Variants in PAX2 observed in about 807,000 individuals in gnomAD.
PAX2 encodes the protein paired box 2.
In PAX2, 9 loss-of-function variants were observed where a neutral mutation model predicts 41.7. The observed-to-expected ratio is 0.22, with a 90% confidence interval of 0.13 to 0.38. PAX2 has a LOEUF of 0.38. Among genes scored for constraint, PAX2 ranks in the 10% least tolerant of loss-of-function variants. The pLI is 1.00. For synonymous variants in PAX2, 221 were observed against 212.7 expected, an observed-to-expected ratio of 1.04 and a Z score of -0.34; for missense variants, 418 against 531.6, an observed-to-expected ratio of 0.79 and a Z score of 2.10.
At chr10:100,749,270 C>T (rs1589811076) in intron 1 of PAX2, 1 of 995,344 alleles carries the variant, frequency 1.0e-6, no homozygotes, top group Non-Finnish European at 1.2e-6. Context: ...AAACAGTCAG[C>T]CGAGCCTCGA....
chr10:100,773,886 T>C (rs1397595676), intron 3 of PAX2, among the ~76,000 whole-genome samples: 1 of 152,200 alleles, frequency 6.6e-6, no homozygotes, highest in African/African-American at 2.4e-5. Flanking sequence ...TATAGCCTTC[T>C]ATTTCCACCC....
At chr10:100,742,386 C>A (rs1347797842), upstream of PAX2, among the ~76,000 whole-genome samples, 1 of 152,072 alleles carries the variant, frequency 6.6e-6, no homozygotes, top group African/African-American at 2.4e-5. Context: ...GACACCTACA[C>A]CCAGACAGAG....
intron 3 of PAX2, among the ~76,000 whole-genome samples, chr10:100,751,596 A>C (rs1845446146): frequency 6.6e-6 from 1 of 152,190 alleles, no homozygotes; most frequent in African/African-American, 2.4e-5. Flanking sequence ...TGACAGGCTC[A>C]CACACGTGAG....
At chr10:100,792,692 G>A (rs1412910712) in intron 5 of PAX2, among the ~76,000 whole-genome samples, 1 of 152,144 alleles carries the variant, frequency 6.6e-6, no homozygotes, top group Non-Finnish European at 1.5e-5. Flanking sequence ...GCCAAGGATG[G>A]CGTTGGTCCT....
chr10:100,784,546 T>C (rs11190703), intron 5 of PAX2, among the ~76,000 whole-genome samples: 3,510 of 152,284 alleles, frequency 0.023, 145 homozygotes, highest in African/African-American at 0.081. Flanking sequence ...AGGAAGCTGC[T>C]CCTCTTTTGC....
Position 100,750,237 on chromosome 10 carries a change from T to TG in PAX2, c.212+331dup, listed in dbSNP as rs113255578. Among the ~76,000 whole-genome samples, 13,469 of 150,160 alleles carry TG rather than the reference T, an allele frequency of 0.09. 1,787 individuals are homozygous for TG. The highest frequency in any genetic ancestry group is 0.29 in the African/African-American group (11,817 of 40,662). On this transcript the variant is annotated intron_variant, in intron 2 of 9. Coordinates refer to ENST00000355243, the MANE Select transcript of PAX2 (RefSeq NM_000278.5). The surrounding 1 kb of genome is among the most constrained non-coding windows in gnomAD (Gnocchi z 4.1). ...TACGGGGTGGGAGACATTAGAGGAA[T>TG]GGGGGGGGAGTGAAAATGGGTCCCC...
chr10:100,745,315 C>CCCCT (rs1845110425), upstream of PAX2, among the ~76,000 whole-genome samples: 1 of 151,922 alleles, frequency 6.6e-6, no homozygotes, highest in South Asian at 2.1e-4. Context: ...CCGGTCCGCT[C>CCCCT]CCCTCCCTCC....
rs972096742 is a variant in PAX2 at position 100,750,464 on chromosome 10, G to A, written c.213-230G>A. ...GCCTATTTGGGCTGGTGCGAACCCA[G>A]CCCCTGGTGTGGCCGTCTCCCTGGA... On this transcript the variant is annotated intron_variant, in intron 2 of 9. Coordinates refer to ENST00000355243, the MANE Select transcript of PAX2 (RefSeq NM_000278.5). The surrounding 1 kb of genome is among the most constrained non-coding windows in gnomAD (Gnocchi z 4.1). Among the ~76,000 whole-genome samples the A allele has an allele frequency of 4.6e-5, 7 of 152,202 alleles. No homozygotes were observed. The highest frequency in any genetic ancestry group is 8.8e-5 in the Non-Finnish European group (6 of 68,032).
intron 3 of PAX2, among the ~76,000 whole-genome samples, chr10:100,764,836 T>G (rs762170917): frequency 2.0e-5 from 3 of 152,060 alleles, no homozygotes; most frequent in Non-Finnish European, 4.4e-5. Context: ...AAAGATAAAA[T>G]GAAATGGTAG....
intron 5 of PAX2, among the ~76,000 whole-genome samples, chr10:100,787,188 C>T (rs1028790244): frequency 6.6e-6 from 1 of 152,112 alleles, no homozygotes; most frequent in Non-Finnish European, 1.5e-5. Context: ...GGATTACTTC[C>T]GCCATGGGCC....
chr10:100,744,957 G>T (rs926212933), upstream of PAX2, among the ~76,000 whole-genome samples: 1 of 152,212 alleles, frequency 6.6e-6, no homozygotes, highest in Admixed American at 6.5e-5. Context: ...GTGCGTGGGT[G>T]GGAAGGTACC....
chr10:100,755,114 A>G (rs1209210629), intron 3 of PAX2, among the ~76,000 whole-genome samples: 1 of 152,184 alleles, frequency 6.6e-6, no homozygotes, highest in Non-Finnish European at 1.5e-5. Flanking sequence ...GTTACCCATC[A>G]TTGGAATAAC....
intron 3 of PAX2, among the ~76,000 whole-genome samples, chr10:100,770,468 G>T (rs987033954): frequency 6.6e-6 from 1 of 152,160 alleles, no homozygotes; most frequent in Non-Finnish European, 1.5e-5. Flanking sequence ...TTTCCAAATG[G>T]TTAGTTAAAC....
At chr10:100,755,530 C>T (rs75477736) in intron 3 of PAX2, among the ~76,000 whole-genome samples, 6,169 of 152,254 alleles carry the variant, frequency 0.041, 429 homozygotes, top group African/African-American at 0.14. Flanking sequence ...AGGCATAAAT[C>T]TTGTGTCTGC....
upstream of PAX2, among the ~76,000 whole-genome samples, chr10:100,742,326 G>A (rs1424194692): frequency 2.8e-5 from 4 of 143,158 alleles, no homozygotes; most frequent in Non-Finnish European, 6.1e-5. Context: ...TTGGCTTGGG[G>A]CGCCGGTGCG....
chr10:100,793,754 C>T (rs983419546), intron 5 of PAX2, among the ~76,000 whole-genome samples: 5 of 152,110 alleles, frequency 3.3e-5, no homozygotes, highest in African/African-American at 4.8e-5. Flanking sequence ...GTGTGTAAAT[C>T]GGTAGGATAC....
chr10:100,764,446 A>G (rs1845950398), intron 3 of PAX2, among the ~76,000 whole-genome samples: 1 of 152,198 alleles, frequency 6.6e-6, no homozygotes, highest in Non-Finnish European at 1.5e-5. Context: ...CCGGCCTGAA[A>G]TATTTTTAAA....
intron 6 of PAX2, among the ~76,000 whole-genome samples, 168 bp downstream of exon 6, chr10:100,806,773 C>T (rs567442888): frequency 6.6e-6 from 1 of 152,126 alleles, no homozygotes; most frequent in South Asian, 2.1e-4. Flanking sequence ...AGTATGGTAT[C>T]GTTAAGACAA....
intron 5 of PAX2, among the ~76,000 whole-genome samples, chr10:100,799,576 T>C (rs1337021713): frequency 6.6e-6 from 1 of 152,154 alleles, no homozygotes; most frequent in Non-Finnish European, 1.5e-5. Flanking sequence ...TGAGTTCACA[T>C]CCAGGCTCTG....
Sources: gnomAD v4.1 joint callset for allele counts (sites outside exome capture counted in the v4.1 genomes callset) on GRCh38, gnomAD v4.1.1 for gene constraint, Gnocchi (gnomAD v3.1) non-coding constraint, MANE v1.5 for transcripts, NCBI Gene and HGNC (gene_info 2026-07-23, HGNC 2026-07-21) for gene names.